The following COPG2 variants were observed in gnomAD, a reference collection of about 807,000 sequenced individuals.
COPG2 encodes coat protein complex I subunit gamma 2.
COPG2 carries 37 observed loss-of-function variants against 46.3 expected under a neutral mutation model. The observed-to-expected ratio is 0.80, with a 90% CI of 0.61 to 1.05. The LOEUF is 1.05. COPG2 is among the 50% of genes least tolerant of loss of function. The pLI, the probability that COPG2 is intolerant of heterozygous loss-of-function variation, is 0.00. For missense variants in COPG2, 427 were observed against 387.8 expected, an observed-to-expected ratio of 1.10 and a Z score of -0.85; for synonymous variants, 159 against 129.7, an observed-to-expected ratio of 1.23 and a Z score of -1.53.
chr7:130,618,670 C>T (rs1449512460), intron 5 of COPG2, among the ~76,000 whole-genome samples: 1 of 152,114 alleles, frequency 6.6e-6, no homozygotes, highest in African/African-American at 2.4e-5. Context: ...CAATCTGTAT[C>T]AAGTATATTA....
chr7:130,513,304 AAAAAATATATATATATATATATAT>A (rs1295099936), intron 20 of COPG2, among the ~76,000 whole-genome samples: 83 of 48,482 alleles, frequency 1.7e-3, no homozygotes, highest in African/African-American at 6.4e-3. Flanking sequence ...AAAAAAAAAA[AAAAAATATATATATATATATATAT>A]ATATATATAT....
At chr7:130,513,341 ATGTG>A (rs1210290028) in intron 20 of COPG2, among the ~76,000 whole-genome samples, 2 of 51,546 alleles carry the variant, frequency 3.9e-5, no homozygotes, top group Non-Finnish European at 9.0e-5. Context: ...ATATATATAT[ATGTG>A]TGTGTGTGTG....
intron 1 of COPG2, among the ~76,000 whole-genome samples, 175 bp downstream of exon 1, chr7:130,668,457 G>A (rs1220423847): frequency 3.3e-5 from 5 of 149,384 alleles, no homozygotes; most frequent in Non-Finnish European, 6.0e-5. Flanking sequence ...CCGGGGGAGG[G>A]GCTACGGGCA....
chr7:130,531,380 C>A (rs1381142016), intron 20 of COPG2, among the ~76,000 whole-genome samples: 3 of 151,976 alleles, frequency 2.0e-5, no homozygotes, highest in African/African-American at 7.3e-5. Context: ...TGGATTCTTA[C>A]AAACAAAAAG....
At chr7:130,668,534 C>T in intron 1 of COPG2, 98 bp downstream of exon 1, 2 of 1,150,962 alleles carry the variant, frequency 1.7e-6, no homozygotes, top group Non-Finnish European at 2.3e-6. Context: ...CACGGCGGCG[C>T]CCACGCCCCC....
chr7:130,576,401 C>G (rs552773575), intron 9 of COPG2, among the ~76,000 whole-genome samples: 205 of 152,248 alleles, frequency 1.3e-3, no homozygotes, highest in African/African-American at 4.5e-3. Flanking sequence ...AACTGGAAAT[C>G]AACTCCAAAA....
At chr7:130,633,111 A>G (rs1447332773) in intron 5 of COPG2, among the ~76,000 whole-genome samples, 3 of 152,148 alleles carry the variant, frequency 2.0e-5, no homozygotes, top group Non-Finnish European at 2.9e-5. Flanking sequence ...TACATGGTGT[A>G]TATGTGCCAC....
intron 20 of COPG2, among the ~76,000 whole-genome samples, chr7:130,539,560 C>T (rs982420462): frequency 3.9e-5 from 6 of 152,302 alleles, no homozygotes; most frequent in South Asian, 2.1e-4. Context: ...TCAGATGAAG[C>T]GACAGGCCCT....
chr7:130,576,597 A>G (rs1794002439), intron 9 of COPG2, among the ~76,000 whole-genome samples: 1 of 152,174 alleles, frequency 6.6e-6, no homozygotes, highest in African/African-American at 2.4e-5. Flanking sequence ...GCCCTCCATC[A>G]AAAGCTCAAA....
In COPG2 at chr7:130,506,456, G is replaced by T; in HGVS notation, c.*220C>A. The stretch of plus-strand genomic sequence containing the variant: ...CAAGATCACCCAAAGCTGCACTATC[G>T]TCCCAAAGCTGACCAAGTAGAATAA... On this transcript the variant is annotated 3_prime_UTR_variant, in exon 24 of 24. Coordinates refer to ENST00000425248, the MANE Select transcript of COPG2 (RefSeq NM_012133.6). 1 of 316,814 alleles carries T rather than the reference G, an allele frequency of 3.2e-6. No homozygotes were observed. The allele number at this position is 316,814 out of a possible 1,614,324, so 19.6% of individuals were successfully genotyped here.
intron 20 of COPG2, among the ~76,000 whole-genome samples, chr7:130,538,257 G>T (rs1799903556): frequency 6.6e-6 from 1 of 152,118 alleles, no homozygotes; most frequent in South Asian, 2.1e-4. Context: ...ACCTTGTGTG[G>T]AAAAAGTGAG....
chr7:130,549,293 C>G (rs1236729612), intron 18 of COPG2, 21 bp downstream of exon 18: 1 of 398,394 alleles, frequency 2.5e-6, no homozygotes, highest in Non-Finnish European at 4.4e-6. Context: ...ATTATTACGT[C>G]TAACCATCAA....
chr7:130,622,568 A>T (rs1203800893), intron 5 of COPG2, among the ~76,000 whole-genome samples: 1 of 152,206 alleles, frequency 6.6e-6, no homozygotes, highest in East Asian at 1.9e-4. Flanking sequence ...TCAAGACGGT[A>T]GCAATCACTA....
At chr7:130,576,396 G>C (rs781941141) in intron 9 of COPG2, among the ~76,000 whole-genome samples, 1 of 152,094 alleles carries the variant, frequency 6.6e-6, no homozygotes, top group Non-Finnish European at 1.5e-5. Flanking sequence ...AATAAAACTG[G>C]AAATCAACTC....
At chr7:130,665,577 T>A (rs761216566) in intron 3 of COPG2, among the ~76,000 whole-genome samples, 3 of 152,136 alleles carry the variant, frequency 2.0e-5, no homozygotes, top group Non-Finnish European at 2.9e-5. Flanking sequence ...AGCACTAACA[T>A]TGCACCAGGT....
chr7:130,638,912 C>T (rs1584600053), intron 5 of COPG2, among the ~76,000 whole-genome samples: 3 of 152,298 alleles, frequency 2.0e-5, no homozygotes, highest in Admixed American at 6.5e-5. Context: ...ATGGGAAAAG[C>T]GTAGTATCTG....
intron 9 of COPG2, among the ~76,000 whole-genome samples, chr7:130,584,445 T>G (rs141095684): frequency 5.3e-5 from 8 of 152,036 alleles, no homozygotes; most frequent in Non-Finnish European, 1.2e-4. Context: ...AACATAGAAG[T>G]TGTAGCCAGA....
chr7:130,655,254 G>GT (rs1233400741), intron 4 of COPG2, among the ~76,000 whole-genome samples: 45 of 148,078 alleles, frequency 3.0e-4, no homozygotes, highest in East Asian at 9.9e-4. Context: ...TAGTTTGTTT[G>GT]TTTTTTTTTC....
intron 9 of COPG2, among the ~76,000 whole-genome samples, chr7:130,587,199 C>T (rs550559589): frequency 5.3e-5 from 8 of 151,748 alleles, no homozygotes; most frequent in East Asian, 3.9e-4. Flanking sequence ...CCCAGCTACC[C>T]GGGAGGCTAA....
Sources: allele counts gnomAD v4.1 joint callset (sites outside exome capture counted in the v4.1 genomes callset), GRCh38; gene constraint gnomAD v4.1.1; transcripts MANE v1.5; gene names NCBI Gene and HGNC (gene_info 2026-07-23, HGNC 2026-07-21).